EIF2AK4: variants seen among roughly 807,000 people sequenced by gnomAD.
EIF2AK4 encodes the protein eukaryotic translation initiation factor 2 alpha kinase 4.
In EIF2AK4, 139 loss-of-function variants were observed where a neutral mutation model predicts 211.1. The ratio of observed to expected loss-of-function variants is 0.66; its 90% CI spans 0.57 to 0.76. The LOEUF (loss-of-function observed/expected upper bound fraction) is 0.76, where lower values mean the gene tolerates loss of function less well. EIF2AK4 is among the 30% of genes least tolerant of loss of function. The pLI is 0.00. For missense variants in EIF2AK4, 1,664 were observed against 2,043.8 expected, an observed-to-expected ratio of 0.81 and a Z score of 3.58; for synonymous variants, 710 against 751.3, an observed-to-expected ratio of 0.94 and a Z score of 0.90.
intron 31 of EIF2AK4, 40 bp downstream of exon 31, chr15:40,021,067 G>T: frequency 1.2e-6 from 2 of 1,601,358 alleles, no homozygotes; most frequent in Non-Finnish European, 1.7e-6. Context: ...AGTGCAAATT[G>T]CTATGGCTTT....
chr15:40,001,860 A>C (rs1288408766), intron 21 of EIF2AK4, among the ~76,000 whole-genome samples: 1 of 152,124 alleles, frequency 6.6e-6, no homozygotes, highest in Admixed American at 6.5e-5. Flanking sequence ...TCAGAATCTC[A>C]TTAAAAGCTC....
chr15:40,020,901 T>C lies in EIF2AK4; in HGVS notation c.4176T>C (p.Val1392=), dbSNP rs1264245067. The C allele has an allele frequency of 6.2e-7, 1 of 1,608,790 alleles. No homozygotes were observed. The part of the protein sequence containing the change: ...SAAVLNMEES[V]TISSCDLLVV... ...TAACCGGTCTGTTTCTGATCCAGGT[T>C]ACAATAAGCTCTTGTGACCTCCTGG... Residue 1392 remains valine, a splice_region_variant and synonymous_variant, in exon 31 of 39, where the codon GTT becomes GTC. Transcript: ENST00000263791.
At position 40,029,562 on chromosome 15, in the gene EIF2AK4, T is replaced by G. The variant is rs577672563; in HGVS notation, c.4561+98T>G. 13 of 1,278,378 alleles carry G rather than the reference T, an allele frequency of 1.0e-5. No homozygotes were observed. The South Asian group carries it at 1.8e-4, about 18-fold the overall frequency. The allele number at this position is 1,278,378 out of a possible 1,614,324, so 79.2% of individuals were successfully genotyped here. ...ACTGCTTGTGACACTGGAAATCTAT[T>G]TTTAAAATAACATATACGCAATAAA... On this transcript the variant is annotated intron_variant, in intron 34 of 38. Coordinates refer to ENST00000263791, the MANE Select transcript of EIF2AK4 (RefSeq NM_001013703.4).
Position 40,017,224 on chromosome 15 carries a change from A to C in EIF2AK4, c.4047A>C (p.Gly1349=). Residue 1349 remains glycine (G), a synonymous_variant, in exon 29 of 39, where the codon GGA becomes GGC. Coordinates refer to ENST00000263791, the MANE Select transcript of EIF2AK4 (RefSeq NM_001013703.4). ...QRAVPEILAA[G]GRYDLLIPQF... ...CTGTACCTGAAATCCTCGCAGCTGG[A>C]GGCAGATATGACCTGCTGGTGAGGG... The C allele has an allele frequency of 6.2e-7, 1 of 1,613,636 alleles. No individual in the cohort carries two copies. Among genetic ancestry groups the C allele is most frequent in the Non-Finnish European group, 8.5e-7 (1 of 1,179,624 alleles).
At chr15:39,995,676 C>A (rs2035008962) in intron 18 of EIF2AK4, among the ~76,000 whole-genome samples, 1 of 150,976 alleles carries the variant, frequency 6.6e-6, no homozygotes, top group Non-Finnish European at 1.5e-5. Flanking sequence ...GTGTTTTTTT[C>A]TGTAGCTTTT....
At chr15:40,032,652 C>CAA in intron 36 of EIF2AK4, 105 bp from the exon 37 acceptor site, 1 of 1,014,266 alleles carries the variant, frequency 9.9e-7, no homozygotes, top group South Asian at 1.5e-5. Flanking sequence ...AATAGCATCT[C>CAA]AGACTCTGCA....
At chr15:39,943,174 G>A (rs1219012658) in intron 2 of EIF2AK4, among the ~76,000 whole-genome samples, 2 of 152,172 alleles carry the variant, frequency 1.3e-5, no homozygotes, top group East Asian at 3.8e-4. Context: ...AAGTCTAACA[G>A]CCCAGACAGA....
At chr15:40,017,909 ATTC>A (rs2035332285) in intron 29 of EIF2AK4, among the ~76,000 whole-genome samples, 1 of 152,058 alleles carries the variant, frequency 6.6e-6, no homozygotes, top group South Asian at 2.1e-4. Flanking sequence ...TATGTGCATC[ATTC>A]TTCTCCATTT....
intron 27 of EIF2AK4, among the ~76,000 whole-genome samples, chr15:40,012,587 T>TA (rs2035248637): frequency 6.6e-6 from 1 of 152,138 alleles, no homozygotes; most frequent in Admixed American, 6.5e-5. Context: ...TGCACAAGAC[T>TA]GCTCAGTTCA....
chr15:39,936,652 C>T (rs1397533780), intron 1 of EIF2AK4, among the ~76,000 whole-genome samples: 1 of 152,056 alleles, frequency 6.6e-6, no homozygotes, highest in Non-Finnish European at 1.5e-5. Flanking sequence ...ACCTCAAGTC[C>T]TCCCGCCTCG....
chr15:39,976,645 G>C lies in EIF2AK4; in HGVS notation c.2050G>C (p.Gly684Arg), dbSNP rs1438138444. 2 of 1,604,264 alleles carry C rather than the reference G, an allele frequency of 1.2e-6. No homozygotes were observed. The highest frequency in any genetic ancestry group is 2.2e-5 in the South Asian group (2 of 90,504). ...GGCCAAGGATGACCGAGCTGCACGCGGGCAGCCGGCGAGCGACACAGACGG... is the reference window on the plus strand; with the variant it reads ...GGCCAAGGATGACCGAGCTGCACGCCGGCAGCCGGCGAGCGACACAGACGG... ...PLAKDDRAAR[G>R]QPASDTDGLD... The change falls in exon 12 of 39, where the codon GGG becomes CGG. Residue 684 changes from glycine to arginine, a missense_variant. This residue lies in a region of EIF2AK4 where 206 missense variants were observed against 201.9 expected (regional missense o/e 1.02). Coordinates refer to ENST00000263791, the MANE Select transcript of EIF2AK4 (RefSeq NM_001013703.4).
chr15:40,035,356 G>A lies in EIF2AK4; in HGVS notation c.*272G>A. On this transcript the variant is annotated 3_prime_UTR_variant, in exon 39 of 39. Coordinates refer to ENST00000263791, the MANE Select transcript of EIF2AK4 (RefSeq NM_001013703.4). ...ATGGTGGCACATGCCTGTAGTCCCA[G>A]CTACTCCAGAGGCTGAGATGGATCA... 1 of 213,914 alleles carries A rather than the reference G, an allele frequency of 4.7e-6. No individual in the cohort carries two copies. Among genetic ancestry groups the A allele is most frequent in the Non-Finnish European group, 9.1e-6 (1 of 109,920 alleles). 13.3% of individuals were successfully genotyped at this position (213,914 alleles called of 1,614,324 possible).
intron 23 of EIF2AK4, among the ~76,000 whole-genome samples, chr15:40,005,424 GA>G (rs1256028444): frequency 3.3e-5 from 5 of 151,788 alleles, no homozygotes; most frequent in Middle Eastern, 3.4e-3. Context: ...TTGAACCCGG[GA>G]GGCGGAGGTT....
In EIF2AK4 at chr15:39,967,407, T is replaced by C; in HGVS notation, c.1081T>C (p.Tyr361His). 6.2e-7 allele frequency: 1 copy of C among 1,613,594 alleles called. No homozygotes were observed. The highest frequency in any genetic ancestry group is 8.5e-7 in the Non-Finnish European group (1 of 1,179,906). ...VKLSHPNVVRYLAMNLKEQDD... is the reference protein window; with the variant it reads ...VKLSHPNVVRHLAMNLKEQDD... ...ATTGAGCCATCCAAATGTAGTACGC[T>C]ACCTTGCAATGAATCTCAAAGAGCA... Residue 361 changes from tyrosine to histidine, a missense_variant, in exon 9 of 39, where the codon TAC (tyrosine) becomes CAC (histidine). Physicochemically the swap from Tyr to His is moderately conservative, Grantham distance 83 (BLOSUM62 2). Transcript: ENST00000263791.
chr15:40,025,791 T>C (rs1283127181), intron 32 of EIF2AK4, among the ~76,000 whole-genome samples, 186 bp from the exon 33 acceptor site: 1 of 152,224 alleles, frequency 6.6e-6, no homozygotes, highest in Non-Finnish European at 1.5e-5. Flanking sequence ...CGCTACCTAC[T>C]ACATGCCAGT....
At chr15:40,018,916 T>C (rs898158240) in intron 29 of EIF2AK4, among the ~76,000 whole-genome samples, 177 bp from the exon 30 acceptor site, 3 of 152,198 alleles carry the variant, frequency 2.0e-5, no homozygotes, top group African/African-American at 7.2e-5. Flanking sequence ...TTGTTAATAT[T>C]TTTTCTAAAT....
At chr15:39,997,539 T>A (rs1417715280) in intron 19 of EIF2AK4, among the ~76,000 whole-genome samples, 3 of 152,212 alleles carry the variant, frequency 2.0e-5, no homozygotes, top group Non-Finnish European at 1.5e-5. Flanking sequence ...TTGATATGAA[T>A]ATGGTTATAA....
chr15:39,981,930 T>TTTTC (rs2034794764), intron 13 of EIF2AK4, among the ~76,000 whole-genome samples: 1 of 148,276 alleles, frequency 6.7e-6, no homozygotes, highest in Admixed American at 6.7e-5. Flanking sequence ...GTCACTTTTT[T>TTTTC]TTTTTTTTTT....
intron 4 of EIF2AK4, among the ~76,000 whole-genome samples, chr15:39,952,109 A>G (rs2034326217): frequency 6.6e-6 from 1 of 152,166 alleles, no homozygotes; most frequent in South Asian, 2.1e-4. Flanking sequence ...CAGAAGATGT[A>G]CAGAATTACT....
Sources: allele counts gnomAD v4.1 joint callset (sites outside exome capture counted in the v4.1 genomes callset), GRCh38; gene constraint gnomAD v4.1.1; regional missense constraint gnomAD v4.1.1; transcripts MANE v1.5; gene names NCBI Gene and HGNC (gene_info 2026-07-23, HGNC 2026-07-21).